Variants in WASHC2C observed in about 807,000 individuals in gnomAD.
The protein encoded by WASHC2C is WASH complex subunit 2C.
WASHC2C carries 73 observed loss-of-function variants against 142.2 expected under a neutral mutation model. That is an observed-to-expected ratio of 0.51 (90% CI 0.43 to 0.62). WASHC2C has a LOEUF of 0.62. WASHC2C is among the 20% of genes least tolerant of loss of function. The pLI is 0.00. For missense variants in WASHC2C, 969 were observed against 1,531.7 expected (o/e 0.63, Z 6.13); for synonymous variants, 337 against 565.5 (o/e 0.60, Z 5.73).
intron 5 of WASHC2C, among the ~76,000 whole-genome samples, chr10:45,743,023 C>T (rs1253205318): frequency 2.0e-5 from 3 of 151,804 alleles, no homozygotes; most frequent in Admixed American, 6.6e-5. Flanking sequence ...GACAGTTACC[C>T]GCCACCATGT....
intron 17 of WASHC2C, among the ~76,000 whole-genome samples, chr10:45,761,995 G>T (rs1427558950): frequency 4.0e-5 from 6 of 148,280 alleles, no homozygotes; most frequent in African/African-American, 1.2e-4. Context: ...GGAGTAGACA[G>T]CGACCCCATA....
At chr10:45,791,171 G>A (rs1440222828) in intron 30 of WASHC2C, among the ~76,000 whole-genome samples, 3 of 152,114 alleles carry the variant, frequency 2.0e-5, no homozygotes, top group African/African-American at 7.2e-5. Context: ...CGTCAATCTA[G>A]ACCTTTAGAC....
At chr10:45,776,924 G>A (rs1416273907) in intron 21 of WASHC2C, among the ~76,000 whole-genome samples, 11 of 147,684 alleles carry the variant, frequency 7.4e-5, no homozygotes, top group South Asian at 2.2e-4. Flanking sequence ...GCAAGACAAC[G>A]CTGGATAATG....
intron 8 of WASHC2C, among the ~76,000 whole-genome samples, chr10:45,747,544 G>C (rs2052995480): frequency 6.6e-6 from 1 of 152,186 alleles, no homozygotes; most frequent in South Asian, 2.1e-4. Context: ...ATAAGGGAAA[G>C]AGTTTATTTC....
At chr10:45,783,570 C>T (rs576801299) in intron 23 of WASHC2C, among the ~76,000 whole-genome samples, 4 of 152,220 alleles carry the variant, frequency 2.6e-5, no homozygotes, top group Admixed American at 2.6e-4. Flanking sequence ...CAAGGATTCT[C>T]CCACCTCAGC....
intron 23 of WASHC2C, among the ~76,000 whole-genome samples, chr10:45,781,013 C>G (rs1287823808): frequency 6.6e-6 from 1 of 151,474 alleles, no homozygotes; most frequent in Admixed American, 6.6e-5. Context: ...CTTAGCCTCC[C>G]GAAGTGCTGG....
In WASHC2C at chr10:45,753,948, G is replaced by A. The variant is rs560730891; in HGVS notation, c.1181-538G>A. ...CTCCCGGGCGCAGGCATCAGAGCTGGGCCTTGGAGGCCGCTCCTTGTGCCT... is the reference window on the plus strand; with the variant it reads ...CTCCCGGGCGCAGGCATCAGAGCTGAGCCTTGGAGGCCGCTCCTTGTGCCT... On this transcript the variant is annotated intron_variant, in intron 13 of 30. Transcript: ENST00000623400. Among the ~76,000 whole-genome samples, 140 of 151,520 alleles carry A rather than the reference G, an allele frequency of 9.2e-4. 1 individual carries two copies. Among genetic ancestry groups the A allele is most frequent in the African/African-American group, 3.2e-3 (130 of 41,012 alleles).
rs71520974 is a variant in WASHC2C at position 45,736,405 on chromosome 10, C to CAAAA, written c.292-1549_292-1546dup. Among the ~76,000 whole-genome samples, 97 of 24,570 alleles carry CAAAA rather than the reference C, an allele frequency of 3.9e-3. 2 individuals are homozygous for CAAAA. The highest frequency in any genetic ancestry group is 5.1e-3 in the Admixed American group (6 of 1,182). 16.1% of individuals were successfully genotyped at this position (24,570 alleles called of 152,430 possible). A position where few individuals can be genotyped will look rare whatever the true frequency, so the allele number is the denominator to read the frequency against. ...TTGGCAACAGAGTGAGACTCCATCT[C>CAAAA]AAAAAAAAAAAAAAAAAAAAAAAAA... On this transcript the variant is annotated intron_variant, in intron 3 of 30. Coordinates refer to ENST00000623400, the MANE Select transcript of WASHC2C (RefSeq NM_001330074.2).
chr10:45,769,426 T>C (rs2056343556), intron 19 of WASHC2C, 23 bp from the exon 20 acceptor site: 2 of 1,601,900 alleles, frequency 1.2e-6, no homozygotes, highest in South Asian at 1.1e-5. Flanking sequence ...CCTGGAGTTT[T>C]AATATATATT....
chr10:45,749,021 A>G (rs2053203087), intron 8 of WASHC2C, among the ~76,000 whole-genome samples: 1 of 152,098 alleles, frequency 6.6e-6, no homozygotes, highest in Non-Finnish European at 1.5e-5. Flanking sequence ...TTTTTGCTTG[A>G]CCTACCTTGG....
At chr10:45,765,135 A>G (rs2055632438) in intron 18 of WASHC2C, among the ~76,000 whole-genome samples, 1 of 149,746 alleles carries the variant, frequency 6.7e-6, no homozygotes, top group Non-Finnish European at 1.5e-5. Context: ...TTAGTAAGCT[A>G]TTTCTCCACT....
intron 17 of WASHC2C, among the ~76,000 whole-genome samples, chr10:45,759,875 A>G (rs2054869357): frequency 6.6e-6 from 1 of 151,562 alleles, no homozygotes; most frequent in Non-Finnish European, 1.5e-5. Flanking sequence ...TTTAGAAAGC[A>G]ATATGTTTAC....
chr10:45,731,731 G>A (rs1198672524), intron 3 of WASHC2C, among the ~76,000 whole-genome samples: 1 of 151,546 alleles, frequency 6.6e-6, no homozygotes, highest in Non-Finnish European at 1.5e-5. Context: ...TGAGAAAACA[G>A]CTAATGCATA....
Position 45,755,039 on chromosome 10 carries a change from T to C in WASHC2C, c.1344T>C (p.Thr448=). ...AAAGCCCCTATGGTCCCCCTCCCAC[T>C]GGCCTCTTTGATGATGATGATGGTG... ...PRKSPYGPPP[T]GLFDDDDGDD... The change falls in exon 15 of 31, where the codon ACT becomes ACC. Residue 448 remains threonine (T), a synonymous_variant. Transcript: ENST00000623400. The C allele has an allele frequency of 6.2e-7, 1 of 1,611,856 alleles. No homozygotes were observed. Among genetic ancestry groups the C allele is most frequent in the Admixed American group, 1.7e-5 (1 of 59,988 alleles).
At chr10:45,769,102 C>A (rs1360942960) in intron 19 of WASHC2C, among the ~76,000 whole-genome samples, 1 of 152,128 alleles carries the variant, frequency 6.6e-6, no homozygotes, top group Non-Finnish European at 1.5e-5. Context: ...GTTTTATAAT[C>A]TAAATTGCCA....
intron 23 of WASHC2C, among the ~76,000 whole-genome samples, chr10:45,780,964 C>T (rs1372545618): frequency 2.6e-5 from 4 of 151,352 alleles, no homozygotes; most frequent in South Asian, 4.2e-4. Flanking sequence ...GTGTTGGCCA[C>T]GCTGACCTTG....
rs2058438692 is a variant in WASHC2C at position 45,792,331 on chromosome 10, T to C, written c.3957T>C (p.Pro1319=). The part of the protein sequence containing the change: ...KPKSRSAQAA[P]EPRFEHKVSN... ...AAAGCCGATCTGCACAGGCCGCACC[T>C]GAACCAAGATTTGAACACAAGGTGT... Residue 1319 remains proline, a synonymous_variant, in exon 31 of 31, where the codon CCT becomes CCC. Transcript: ENST00000623400. The C allele has an allele frequency of 3.1e-5, 48 of 1,565,562 alleles. 8 individuals carry two copies. The South Asian group carries it at 5.3e-4, about 17-fold the overall frequency.
intron 16 of WASHC2C, among the ~76,000 whole-genome samples, chr10:45,758,622 T>G (rs1311284236): frequency 1.3e-5 from 2 of 150,978 alleles, no homozygotes; most frequent in African/African-American, 4.9e-5. Context: ...TTTTTTTTTT[T>G]TGTGAGACAG....
chr10:45,742,270 G>T (rs1372071441), intron 5 of WASHC2C, among the ~76,000 whole-genome samples: 4 of 152,260 alleles, frequency 2.6e-5, no homozygotes, highest in African/African-American at 9.6e-5. Flanking sequence ...GGAACCACTA[G>T]GGGGTATTGT....
Sources: gnomAD v4.1 joint callset for allele counts (sites outside exome capture counted in the v4.1 genomes callset) on GRCh38, gnomAD v4.1.1 for gene constraint, MANE v1.5 for transcripts, NCBI Gene and HGNC (gene_info 2026-07-23, HGNC 2026-07-21) for gene names.